Variants in FAM228B observed in about 807,000 individuals in gnomAD.
FAM228B encodes family with sequence similarity 228 member B, also known as protein FAM228B.
Under a neutral mutation model 42.6 loss-of-function variants are expected in FAM228B, and 38 were observed. That is an observed-to-expected ratio of 0.89 (90% CI 0.69 to 1.17). The LOEUF (loss-of-function observed/expected upper bound fraction) is 1.17. Ranked by LOEUF, FAM228B falls within the 50% of genes most tolerant of loss-of-function variation. The probability of loss-of-function intolerance (pLI) is 0.00; values close to 1 mark genes in which losing one functional copy is unlikely to be tolerated. For synonymous variants in FAM228B, 109 were observed against 122.3 expected (o/e 0.89, Z 0.72); for missense variants, 344 against 367.3 (o/e 0.94, Z 0.52).
intron 7 of FAM228B, among the ~76,000 whole-genome samples, chr2:24,160,552 C>A (rs745422983): frequency 6.6e-6 from 1 of 151,862 alleles, no homozygotes; most frequent in Non-Finnish European, 1.5e-5. Flanking sequence ...CTAATTCTTT[C>A]TTCGCTGTGT....
At chr2:24,162,552 C>G (rs1667310025) in intron 8 of FAM228B, among the ~76,000 whole-genome samples, 1 of 152,208 alleles carries the variant, frequency 6.6e-6, no homozygotes, top group Non-Finnish European at 1.5e-5. Context: ...TATTATGTGA[C>G]CCAGAAATTC....
At chr2:24,110,540 GAAC>G (rs1390720339) in intron 3 of FAM228B, among the ~76,000 whole-genome samples, 1 of 152,150 alleles carries the variant, frequency 6.6e-6, no homozygotes, top group Admixed American at 6.5e-5. Flanking sequence ...AAAAACCCTG[GAAC>G]AACAAGGTTT....
At chr2:24,127,434 G>T (rs1666342491) in intron 2 of FAM228B, among the ~76,000 whole-genome samples, 1 of 152,096 alleles carries the variant, frequency 6.6e-6, no homozygotes, top group Admixed American at 6.6e-5. Context: ...TAACATGATT[G>T]CAGTTCTCTT....
At chr2:24,110,595 G>A (rs1266406165) in intron 3 of FAM228B, among the ~76,000 whole-genome samples, 1 of 152,208 alleles carries the variant, frequency 6.6e-6, no homozygotes, top group Non-Finnish European at 1.5e-5. Flanking sequence ...CCATGTGCTG[G>A]GAGGCGCATG....
At chr2:24,088,917 A>C (rs192324132) in intron 2 of FAM228B, among the ~76,000 whole-genome samples, 1 of 152,228 alleles carries the variant, frequency 6.6e-6, no homozygotes, top group Non-Finnish European at 1.5e-5. Flanking sequence ...AGCCTATGTC[A>C]GAGAATTGAT....
Position 24,080,354 on chromosome 2 carries a change from C to CAA in FAM228B, c.-289-511_-289-510dup, listed in dbSNP as rs71395186. The stretch of plus-strand genomic sequence containing the variant: ...TCAGTGACAGAGTGAGACTCCATCT[C>CAA]AAAAAAAAAAAAGAAAGAGAAACGG... On this transcript the variant is annotated intron_variant, in intron 1 of 10. Transcript: ENST00000613899. This position sits in a 1 kb window ranked among gnomAD's most constrained non-coding sequence, Gnocchi z 4.7. Among the ~76,000 whole-genome samples, 5 of 135,032 alleles carry CAA rather than the reference C, an allele frequency of 3.7e-5. No homozygotes were observed. Among genetic ancestry groups the CAA allele is most frequent in the Admixed American group, 7.5e-5 (1 of 13,312 alleles). The allele number at this position is 135,032 out of a possible 152,430, so 88.6% of individuals were successfully genotyped here.
intron 2 of FAM228B, among the ~76,000 whole-genome samples, chr2:24,086,887 A>G (rs1558365346): frequency 6.6e-6 from 1 of 152,346 alleles, no homozygotes; most frequent in East Asian, 1.9e-4. Context: ...GAACAGAGAC[A>G]GATGGAAAGG....
chr2:24,141,582 G>A (rs1666747965), intron 5 of FAM228B, among the ~76,000 whole-genome samples: 1 of 151,796 alleles, frequency 6.6e-6, no homozygotes, highest in African/African-American at 2.4e-5. Flanking sequence ...GTTTCACCAT[G>A]TTGATCAGGC....
intron 3 of FAM228B, among the ~76,000 whole-genome samples, chr2:24,108,048 C>T (rs1000535515): frequency 4.0e-5 from 6 of 151,898 alleles, no homozygotes; most frequent in African/African-American, 9.7e-5. Context: ...AAAGAAAAAA[C>T]GAGAGAAGAT....
intron 9 of FAM228B, 111 bp downstream of exon 9, chr2:24,164,446 G>A (rs904523277): frequency 8.2e-7 from 1 of 1,217,856 alleles, no homozygotes; most frequent in Non-Finnish European, 1.1e-6. Flanking sequence ...GAAGAGAGGA[G>A]GCAGTGGGGA....
chr2:24,082,911 G>A, intron 2 of FAM228B: 1 of 1,611,244 alleles, frequency 6.2e-7, no homozygotes. Context: ...CTGGAAGGCG[G>A]TGAGCCAGGC....
chr2:24,084,244 C>A lies in FAM228B; in HGVS notation c.-210+3289C>A. 1 of 1,614,090 alleles carries A rather than the reference C, an allele frequency of 6.2e-7. No individual in the cohort carries two copies. Among genetic ancestry groups the A allele is most frequent in the Non-Finnish European group, 8.5e-7 (1 of 1,179,990 alleles). On this transcript the variant is annotated intron_variant, in intron 2 of 10. Coordinates refer to the FAM228B transcript ENST00000613899. This position sits in a 1 kb window ranked among gnomAD's most constrained non-coding sequence, Gnocchi z 8.4. ...GGCCGCCACCTTCAGGAGGACTTCA[C>A]CCTCCCCCGGGCTCGGCTTGGCCAC...
chr2:24,111,846 A>AGCAGATGG, intron 3 of FAM228B, among the ~76,000 whole-genome samples: 1 of 150,942 alleles, frequency 6.6e-6, no homozygotes, highest in South Asian at 2.1e-4. Context: ...TGAATTACAT[A>AGCAGATGG]CAACTCCCAT....
chr2:24,166,166 G>A (rs1432757084), intron 9 of FAM228B: 1 of 151,118 alleles, frequency 6.6e-6, no homozygotes, highest in African/African-American at 2.4e-5. Context: ...TAAACTTGGT[G>A]GCCATTTGAC....
At chr2:24,119,624 G>T (rs1453596472), upstream of FAM228B, 7 of 1,614,002 alleles carry the variant, frequency 4.3e-6, no homozygotes, top group Non-Finnish European at 5.9e-6. Context: ...CATGCCCTCA[G>T]TGTAAGTTGC....
chr2:24,122,602 T>C (rs1435337479), upstream of FAM228B: 1 of 1,066,948 alleles, frequency 9.4e-7, no homozygotes, highest in Non-Finnish European at 1.5e-6. Flanking sequence ...TTAAAAGGCA[T>C]GTGAATACAA....
intron 7 of FAM228B, among the ~76,000 whole-genome samples, chr2:24,151,827 G>A (rs1389036390): frequency 1.3e-5 from 2 of 151,664 alleles, no homozygotes; most frequent in East Asian, 3.9e-4. Context: ...GGTATTGCAG[G>A]CATGCACCAT....
chr2:24,128,901 A>C (rs555780263), intron 2 of FAM228B, among the ~76,000 whole-genome samples: 1 of 150,650 alleles, frequency 6.6e-6, no homozygotes, highest in African/African-American at 2.4e-5. Context: ...ACTCTACTCT[A>C]TGCACTTCAA....
intron 7 of FAM228B, among the ~76,000 whole-genome samples, chr2:24,151,093 A>G (rs1365523652): frequency 1.3e-5 from 2 of 152,090 alleles, no homozygotes; most frequent in East Asian, 3.9e-4. Flanking sequence ...TCCTGATCTT[A>G]CAGATGTGCT....
Sources: gnomAD v4.1 joint callset for allele counts (sites outside exome capture counted in the v4.1 genomes callset) on GRCh38, gnomAD v4.1.1 for gene constraint, Gnocchi (gnomAD v3.1) non-coding constraint, MANE v1.5 for transcripts, NCBI Gene and HGNC (gene_info 2026-07-23, HGNC 2026-07-21) for gene names.